Variants in PRICKLE2 observed in about 807,000 individuals in gnomAD.
PRICKLE2 encodes the protein prickle planar cell polarity protein 2.
Under a neutral mutation model 81.4 loss-of-function variants are expected in PRICKLE2, and 21 were observed. The observed-to-expected ratio is 0.26, with a 90% CI of 0.18 to 0.37. The LOEUF (loss-of-function observed/expected upper bound fraction) is 0.37. PRICKLE2 is among the 10% of genes least tolerant of loss of function. PRICKLE2 has a pLI of 1.00. For synonymous variants in PRICKLE2, 456 were observed against 421.5 expected (o/e 1.08, Z -1.00); for missense variants, 940 against 1,109.0 (o/e 0.85, Z 2.16).
At chr3:64,258,025 G>T (rs970665994) in intron 2 of PRICKLE2, among the ~76,000 whole-genome samples, 1 of 152,074 alleles carries the variant, frequency 6.6e-6, no homozygotes, top group Non-Finnish European at 1.5e-5. Flanking sequence ...GAACCTGCAG[G>T]CACCTTGATC....
chr3:64,135,884 G>A (rs923601805), intron 7 of PRICKLE2, among the ~76,000 whole-genome samples: 6 of 152,004 alleles, frequency 3.9e-5, no homozygotes, highest in Non-Finnish European at 7.4e-5. Flanking sequence ...CGCAACTTTC[G>A]GCTCATGATC....
At chr3:64,208,378 A>C (rs772145707) in intron 1 of PRICKLE2, among the ~76,000 whole-genome samples, 33 of 152,238 alleles carry the variant, frequency 2.2e-4, no homozygotes, top group Non-Finnish European at 4.6e-4. Flanking sequence ...TGACCCCCAC[A>C]CAGGGCTTCA....
At chr3:64,199,416 G>T (rs2078527122) in intron 1 of PRICKLE2, 1 of 169,444 alleles carries the variant, frequency 5.9e-6, no homozygotes, top group Non-Finnish European at 1.3e-5. Flanking sequence ...TTTATAAAAG[G>T]TTCCTAAGCC....
At chr3:64,209,590 C>G (rs1250296020) in intron 1 of PRICKLE2, among the ~76,000 whole-genome samples, 2 of 152,196 alleles carry the variant, frequency 1.3e-5, no homozygotes, top group African/African-American at 4.8e-5. Context: ...ACATCCATAC[C>G]TATCCATCCA....
At chr3:64,202,907 G>C (rs2078614648) in intron 1 of PRICKLE2, among the ~76,000 whole-genome samples, 2 of 152,110 alleles carry the variant, frequency 1.3e-5, no homozygotes, top group African/African-American at 4.8e-5. Context: ...TGAGTTATTT[G>C]TACATGCTCT....
chr3:64,166,522 A>AAAG (rs2077835274), intron 2 of PRICKLE2, among the ~76,000 whole-genome samples: 1 of 152,194 alleles, frequency 6.6e-6, no homozygotes, highest in South Asian at 2.1e-4. Flanking sequence ...ACTCTTTGGG[A>AAAG]ACACAGCTCT....
chr3:64,218,862 G>A (rs1390064765), intron 1 of PRICKLE2, among the ~76,000 whole-genome samples: 1 of 152,110 alleles, frequency 6.6e-6, no homozygotes, highest in African/African-American at 2.4e-5. Context: ...TTCAGAATCT[G>A]CATTTCAGCA....
rs551626708 is a variant in PRICKLE2, at chr3:64,126,664, G to A, written c.1660+20166C>T. Among the ~76,000 whole-genome samples the A allele has an allele frequency of 5.3e-5, 8 of 152,128 alleles. No individual in the cohort carries two copies. The South Asian group carries it at 6.2e-4, about 12-fold the overall frequency. On this transcript the variant is annotated intron_variant, in intron 7 of 7. Transcript: ENST00000638394. ...ATGATCTCAGCTCACTGCAACCTCC[G>A]CCTCCCAGGTACAAGCTATTCTCCT... is the stretch of plus-strand genomic sequence containing the variant.
chr3:64,199,969 A>G (rs1468858703), intron 1 of PRICKLE2: 1 of 152,224 alleles, frequency 6.6e-6, no homozygotes, highest in Non-Finnish European at 1.5e-5. Flanking sequence ...CGTTCTGATA[A>G]CAGCTTTGTG....
intron 2 of PRICKLE2, among the ~76,000 whole-genome samples, chr3:64,260,912 C>T (rs1370253516): frequency 1.3e-5 from 2 of 152,176 alleles, no homozygotes; most frequent in East Asian, 3.9e-4. Flanking sequence ...TGTAGTAGAT[C>T]TTAAAAACTT....
At chr3:64,100,166 C>T in intron 7 of PRICKLE2, 1 of 555,260 alleles carries the variant, frequency 1.8e-6, no homozygotes, top group South Asian at 2.2e-5. Context: ...TTACCAGTTA[C>T]TAGTTCCTCC....
At chr3:64,106,382 T>C (rs2076755609) in intron 7 of PRICKLE2, among the ~76,000 whole-genome samples, 1 of 152,206 alleles carries the variant, frequency 6.6e-6, no homozygotes, top group Non-Finnish European at 1.5e-5. Context: ...TTCATTTGCA[T>C]ATTGTCGAGG....
intron 7 of PRICKLE2, among the ~76,000 whole-genome samples, chr3:64,109,156 TG>T (rs2106949717): frequency 6.6e-6 from 1 of 152,234 alleles, no homozygotes; most frequent in Admixed American, 6.5e-5. Flanking sequence ...CTCGTCACGA[TG>T]GGGGTTGCCG....
At chr3:64,206,743 A>C (rs2078694949) in intron 1 of PRICKLE2, among the ~76,000 whole-genome samples, 1 of 152,246 alleles carries the variant, frequency 6.6e-6, no homozygotes, top group Non-Finnish European at 1.5e-5. Context: ...ATAGGATTCA[A>C]CATGGCTATG....
chr3:64,187,870 A>G (rs910983033), intron 2 of PRICKLE2, among the ~76,000 whole-genome samples: 2 of 152,230 alleles, frequency 1.3e-5, no homozygotes, highest in African/African-American at 4.8e-5. Context: ...GGTGAGTCAC[A>G]GCTGTATAAT....
chr3:64,128,922 T>TTA (rs956345793), intron 7 of PRICKLE2, among the ~76,000 whole-genome samples: 27 of 152,114 alleles, frequency 1.8e-4, no homozygotes, highest in East Asian at 3.9e-4. Flanking sequence ...TTTTTTATTT[T>TTA]TTTTTTAACT....
At chr3:64,266,040 G>C (rs2079701763) in intron 2 of PRICKLE2, among the ~76,000 whole-genome samples, 1 of 152,150 alleles carries the variant, frequency 6.6e-6, no homozygotes, top group Admixed American at 6.5e-5. Context: ...GCCTGTGTGA[G>C]ATTGAGGGTA....
intron 7 of PRICKLE2, among the ~76,000 whole-genome samples, chr3:64,107,815 T>A (rs1250481862): frequency 6.6e-6 from 1 of 152,202 alleles, no homozygotes; most frequent in Non-Finnish European, 1.5e-5. Flanking sequence ...TTTCAAAAAA[T>A]AACTTTTTTA....
chr3:64,161,474 T>A (rs1233578011), intron 3 of PRICKLE2, among the ~76,000 whole-genome samples: 1 of 152,102 alleles, frequency 6.6e-6, no homozygotes, highest in Non-Finnish European at 1.5e-5. Flanking sequence ...AATTGTCTTA[T>A]CTATGCAAAA....
Sources: gnomAD v4.1 joint callset for allele counts (sites outside exome capture counted in the v4.1 genomes callset) on GRCh38, gnomAD v4.1.1 for gene constraint, MANE v1.5 for transcripts, NCBI Gene and HGNC (gene_info 2026-07-23, HGNC 2026-07-21) for gene names.